The following TMEM54 variants were observed in gnomAD, a reference collection of about 807,000 sequenced individuals.
The protein encoded by TMEM54 is transmembrane protein 54.
A neutral mutation model predicts 21.3 loss-of-function variants in TMEM54; 21 were observed. The observed-to-expected ratio is 0.99, with a 90% CI of 0.70 to 1.42. The LOEUF is 1.42. Among genes scored for constraint, TMEM54 ranks in the 40% most tolerant of loss-of-function variants. TMEM54 has a pLI of 0.00. For missense variants in TMEM54, 246 were observed against 294.0 expected (o/e 0.84, Z 1.19); for synonymous variants, 109 against 125.0 (o/e 0.87, Z 0.86).
rs1162574695 is a variant in TMEM54, at chr1:32,897,221, C to T, written c.210+905G>A. On this transcript the variant is annotated intron_variant, in intron 2 of 5. Transcript: ENST00000373463. This position sits in a 1 kb window ranked among gnomAD's most constrained non-coding sequence, Gnocchi z 4.9. Reference sequence around the variant, plus strand: ...CTCTCTTTCTTGCTGGGACCTATGACTCCCATTCTCCCAAGCCTTGAGGCC... The same window carrying T: ...CTCTCTTTCTTGCTGGGACCTATGATTCCCATTCTCCCAAGCCTTGAGGCC... 6.6e-6 allele frequency among the ~76,000 whole-genome samples: 1 copy of T among 152,220 alleles called. No homozygotes were observed. The highest frequency in any genetic ancestry group is 1.5e-5 in the Non-Finnish European group (1 of 68,046).
Position 32,897,512 on chromosome 1 carries a change from C to T in TMEM54, c.210+614G>A, listed in dbSNP as rs753446274. 3.9e-5 allele frequency among the ~76,000 whole-genome samples: 6 copies of T among 152,304 alleles called. No homozygotes were observed. The South Asian group carries it at 8.3e-4, about 21-fold the overall frequency. On this transcript the variant is annotated intron_variant, in intron 2 of 5. Coordinates refer to ENST00000373463, the MANE Select transcript of TMEM54 (RefSeq NM_033504.4). This position sits in a 1 kb window ranked among gnomAD's most constrained non-coding sequence, Gnocchi z 4.9. ...CATTCATTGAGCAGTTGCTACAGAC[C>T]GGGCCTAATGCTAAGCTCCTGCCAA...
rs1473114714 is a variant in TMEM54 at position 32,894,779 on chromosome 1, A to T, written c.*26T>A. The stretch of plus-strand genomic sequence containing the variant: ...AGTTGCTTGCAGGGTCCTAGTGGCC[A>T]TCGGGCCTGGGCAGGACATCATCTC... On this transcript the variant is annotated 3_prime_UTR_variant, in exon 6 of 6. Coordinates refer to ENST00000373463, the MANE Select transcript of TMEM54 (RefSeq NM_033504.4). 14 of 1,601,534 alleles carry T rather than the reference A, an allele frequency of 8.7e-6. No homozygotes were observed. The highest frequency in any genetic ancestry group is 1.2e-5 in the Non-Finnish European group (14 of 1,169,796).
Position 32,895,204 on chromosome 1 carries a change from C to G in TMEM54, c.594+101G>C. The G allele has an allele frequency of 2.1e-6, 3 of 1,448,542 alleles. No individual in the cohort carries two copies. The highest frequency in any genetic ancestry group is 2.8e-6 in the Non-Finnish European group (3 of 1,087,490). 89.7% of individuals were successfully genotyped at this position (1,448,542 alleles called of 1,614,324 possible). On this transcript the variant is annotated intron_variant, in intron 5 of 5. Coordinates refer to ENST00000373463, the MANE Select transcript of TMEM54 (RefSeq NM_033504.4). This position sits in a 1 kb window ranked among gnomAD's most constrained non-coding sequence, Gnocchi z 5.8. Reference sequence around the variant, plus strand: ...GGGAGAAAACTTCTGCCCCATTTCTCAAGGTGGGGGCCCATACATAGGGGT... The same window carrying G: ...GGGAGAAAACTTCTGCCCCATTTCTGAAGGTGGGGGCCCATACATAGGGGT...
Position 32,895,952 on chromosome 1 carries a change from G to A in TMEM54, c.228C>T (p.Ile76=), listed in dbSNP as rs116878451. The A allele has an allele frequency of 6.2e-5, 100 of 1,613,362 alleles. No individual in the cohort carries two copies. The East Asian group carries it at 1.9e-3, about 31-fold the overall frequency. Reference sequence around the variant, plus strand: ...GGTAGCGTGACAACACGATGGCTGCGATGCCTGAAGTGATGACCTGTAGGG... The same window carrying A: ...GGTAGCGTGACAACACGATGGCTGCAATGCCTGAAGTGATGACCTGTAGGG... ...TSAIVVITSG[I]AAIVLSRYLP... Residue 76 remains isoleucine (I), a synonymous_variant, in exon 3 of 6, where the codon ATC becomes ATT. Transcript: ENST00000373463. This position sits in a 1 kb window ranked among gnomAD's most constrained non-coding sequence, Gnocchi z 5.8.
chr1:32,898,368 G>T, intron 1 of TMEM54, 49 bp from the exon 2 acceptor site: 1 of 1,526,196 alleles, frequency 6.6e-7, no homozygotes, highest in Non-Finnish European at 8.9e-7. Context: ...TATCCTGCTG[G>T]GCAGAAGGGG....
Position 32,895,187 on chromosome 1 carries a change from A to C in TMEM54, c.594+118T>G. The C allele has an allele frequency of 7.2e-7, 1 of 1,393,020 alleles. No individual in the cohort carries two copies. The highest frequency in any genetic ancestry group is 9.6e-7 in the Non-Finnish European group (1 of 1,044,400). 86.3% of individuals were successfully genotyped at this position (1,393,020 alleles called of 1,614,324 possible). The stretch of plus-strand genomic sequence containing the variant: ...CTCTCCCTTTGCTCCTGGGGAGAAA[A>C]CTTCTGCCCCATTTCTCAAGGTGGG... On this transcript the variant is annotated intron_variant, in intron 5 of 5. Coordinates refer to ENST00000373463, the MANE Select transcript of TMEM54 (RefSeq NM_033504.4). The surrounding 1 kb of genome is among the most constrained non-coding windows in gnomAD (Gnocchi z 5.8).
intron 5 of TMEM54, 74 bp from the exon 6 acceptor site, chr1:32,894,953 T>A (rs1641549341): frequency 6.4e-7 from 1 of 1,569,822 alleles, no homozygotes; most frequent in African/African-American, 1.3e-5. Context: ...ATCCGGGAAA[T>A]GGAAGGAGGT....
rs564281898 is a variant in TMEM54, at chr1:32,894,868, G to T, written c.606C>A (p.Asn202Lys). ...GKSSHHMMRENPELVEGRDLL... is the reference protein window; with the variant it reads ...GKSSHHMMREKPELVEGRDLL... The stretch of plus-strand genomic sequence containing the variant: ...GGTCACGGCCCTCCACCAGCTCTGG[G>T]TTCTCCCGCATCTGCAGAGACACAG... The change falls in exon 6 of 6, where the codon AAC becomes AAA. Residue 202 changes from asparagine (N) to lysine (K), a missense_variant. Transcript: ENST00000373463. 3.1e-6 allele frequency: 5 copies of T among 1,610,926 alleles called. No homozygotes were observed. In the African/African-American group the frequency reaches 4.0e-5, roughly 13 times the overall value.
At position 32,897,478 on chromosome 1, in the gene TMEM54, C is replaced by T. The variant is rs202170968; in HGVS notation, c.210+648G>A. 6.6e-6 allele frequency among the ~76,000 whole-genome samples: 1 copy of T among 152,210 alleles called. No homozygotes were observed. Among genetic ancestry groups the T allele is most frequent in the East Asian group, 1.9e-4 (1 of 5,196 alleles). ...ACAGGTACTGATATCTGGTCACAAC[C>T]GTGGCTACCATTCATTGAGCAGTTG... On this transcript the variant is annotated intron_variant, in intron 2 of 5. Coordinates refer to ENST00000373463, the MANE Select transcript of TMEM54 (RefSeq NM_033504.4). The surrounding 1 kb of genome is among the most constrained non-coding windows in gnomAD (Gnocchi z 4.9).
At position 32,896,189 on chromosome 1, in the gene TMEM54, C is replaced by A. The variant is rs1298164335; in HGVS notation, c.211-220G>T. On this transcript the variant is annotated intron_variant, in intron 2 of 5. Transcript: ENST00000373463. This position sits in a 1 kb window ranked among gnomAD's most constrained non-coding sequence, Gnocchi z 4.1. ...TAAAACAGTCACTCCCTCTCTACAA[C>A]CTTCCATGAGTCCCCACTCCTAAGC... 8 of 513,258 alleles carry A rather than the reference C, an allele frequency of 1.6e-5. No homozygotes were observed. The Admixed American group carries it at 2.9e-4, about 19-fold the overall frequency. 31.8% of individuals were successfully genotyped at this position (513,258 alleles called of 1,614,324 possible).
Position 32,895,483 on chromosome 1 carries a change from G to A in TMEM54, c.460-44C>T. On this transcript the variant is annotated intron_variant, in intron 4 of 5. Transcript: ENST00000373463. The surrounding 1 kb of genome is among the most constrained non-coding windows in gnomAD (Gnocchi z 5.8). ...AGATGGCTGGCTGGAGTTGGGGGTGGAGGGTGGATTCCAAGAGCCCTTCCC... is the reference window on the plus strand; with the variant it reads ...AGATGGCTGGCTGGAGTTGGGGGTGAAGGGTGGATTCCAAGAGCCCTTCCC... 2 of 1,597,930 alleles carry A rather than the reference G, an allele frequency of 1.3e-6. No individual in the cohort carries two copies. Among genetic ancestry groups the A allele is most frequent in the Middle Eastern group, 3.3e-4 (2 of 6,030 alleles).
intron 1 of TMEM54, chr1:32,898,530 C>T (rs1470067842): frequency 6.0e-6 from 3 of 503,784 alleles, no homozygotes; most frequent in African/African-American, 5.7e-5. Flanking sequence ...GACTCTAAGG[C>T]TGGACAAGCA....
In TMEM54 at chr1:32,895,028, C is replaced by A; in HGVS notation, c.595-149G>T. On this transcript the variant is annotated intron_variant, in intron 5 of 5. Transcript: ENST00000373463. The surrounding 1 kb of genome is among the most constrained non-coding windows in gnomAD (Gnocchi z 5.8). ...ACCCACTCCACTGCAAGAGCCAGGC[C>A]TGACCTTTGCAATGCCCTCAGTGCG... 6.9e-7 allele frequency: 1 copy of A among 1,449,388 alleles called. No individual in the cohort carries two copies. Among genetic ancestry groups the A allele is most frequent in the Non-Finnish European group, 9.2e-7 (1 of 1,090,538 alleles). 89.8% of individuals were successfully genotyped at this position (1,449,388 alleles called of 1,614,324 possible).
intron 5 of TMEM54, 68 bp from the exon 6 acceptor site, chr1:32,894,947 G>C (rs1301084004): frequency 6.3e-7 from 1 of 1,578,002 alleles, no homozygotes; most frequent in African/African-American, 1.3e-5. Flanking sequence ...CAGGACATCC[G>C]GGAAATGGAA....
Position 32,901,308 on chromosome 1 carries a change from T to C in TMEM54, c.-70A>G, listed in dbSNP as rs1476225155. The C allele has an allele frequency of 3.1e-5, 39 of 1,242,246 alleles. No individual in the cohort carries two copies. Among genetic ancestry groups the C allele is most frequent in the Non-Finnish European group, 6.1e-6 (6 of 987,690 alleles). The allele number at this position is 1,242,246 out of a possible 1,614,324, so 77.0% of individuals were successfully genotyped here. Reference sequence around the variant, plus strand: ...GAGGCTGCGGGCCGCCGGGGGACCCTGCTCCCATCCCGCTGGCCCGTCGCC... The same window carrying C: ...GAGGCTGCGGGCCGCCGGGGGACCCCGCTCCCATCCCGCTGGCCCGTCGCC... On this transcript the variant is annotated 5_prime_UTR_variant, in exon 1 of 6. Transcript: ENST00000373463. The surrounding 1 kb of genome is among the most constrained non-coding windows in gnomAD (Gnocchi z 4.2).
In TMEM54 at chr1:32,895,876, C is replaced by T; in HGVS notation, c.270+34G>A. ...GCGGGTGGCTGCTGCCCCTACCCTT[C>T]CCTCACAGCCCCATCCCAGGAGGCA... On this transcript the variant is annotated intron_variant, in intron 3 of 5. Coordinates refer to ENST00000373463, the MANE Select transcript of TMEM54 (RefSeq NM_033504.4). The surrounding 1 kb of genome is among the most constrained non-coding windows in gnomAD (Gnocchi z 5.8). 1 of 1,602,968 alleles carries T rather than the reference C, an allele frequency of 6.2e-7. No homozygotes were observed. Among genetic ancestry groups the T allele is most frequent in the Middle Eastern group, 1.7e-4 (1 of 5,970 alleles).
At chr1:32,898,487 A>T in intron 1 of TMEM54, 168 bp from the exon 2 acceptor site, 1 of 630,766 alleles carries the variant, frequency 1.6e-6, no homozygotes, top group Non-Finnish European at 2.6e-6. Context: ...CATCCATAAA[A>T]GGGGTTCGGG....
Position 32,901,298 on chromosome 1 carries a change from CGGGGGA to C in TMEM54, c.-66_-61del. ...CGCGGCTCCCGAGGCTGCGGGCCGC[CGGGGGA>C]CCCTGCTCCCATCCCGCTGGCCCGT... On this transcript the variant is annotated 5_prime_UTR_variant, in exon 1 of 6. Transcript: ENST00000373463. This position sits in a 1 kb window ranked among gnomAD's most constrained non-coding sequence, Gnocchi z 4.2. 3.9e-6 allele frequency: 5 copies of C among 1,288,676 alleles called. No homozygotes were observed. The highest frequency in any genetic ancestry group is 4.9e-6 in the Non-Finnish European group (5 of 1,012,574). The allele number at this position is 1,288,676 out of a possible 1,614,324, so 79.8% of individuals were successfully genotyped here.
At chr1:32,900,598 C>T (rs978439372) in intron 1 of TMEM54, among the ~76,000 whole-genome samples, 149 of 152,304 alleles carry the variant, frequency 9.8e-4, no homozygotes, top group African/African-American at 3.4e-3. Flanking sequence ...TGCCCTCATC[C>T]TCATAGTAGT....
Sources: gnomAD v4.1 joint callset for allele counts (sites outside exome capture counted in the v4.1 genomes callset) on GRCh38, gnomAD v4.1.1 for gene constraint, Gnocchi (gnomAD v3.1) non-coding constraint, MANE v1.5 for transcripts, NCBI Gene and HGNC (gene_info 2026-07-23, HGNC 2026-07-21) for gene names.